Variants in DPYD observed in about 807,000 individuals in gnomAD.
DPYD encodes dihydropyrimidine dehydrogenase [NADP(+)].
In DPYD, 109 loss-of-function variants were observed where a neutral mutation model predicts 116.2. That is an observed-to-expected ratio of 0.94 (90% CI 0.80 to 1.10). DPYD has a LOEUF of 1.10. DPYD is among the 50% of genes least tolerant of loss of function. DPYD has a pLI of 0.00. For synonymous variants in DPYD, 440 were observed against 432.0 expected, an observed-to-expected ratio of 1.02 and a Z score of -0.23; for missense variants, 1,302 against 1,254.5, an observed-to-expected ratio of 1.04 and a Z score of -0.57.
intron 12 of DPYD, among the ~76,000 whole-genome samples, chr1:97,536,723 T>C (rs2786520): frequency 0.41 from 62,022 of 152,000 alleles, 13,256 homozygotes; most frequent in African/African-American, 0.54. Context: ...GCCTTTTCTC[T>C]TGCCTCACCC....
At chr1:97,345,962 A>G (rs1278592180) in intron 16 of DPYD, among the ~76,000 whole-genome samples, 1 of 151,932 alleles carries the variant, frequency 6.6e-6, no homozygotes, top group Non-Finnish European at 1.5e-5. Context: ...ATTTTGTTTA[A>G]TGCAGTAAAT....
intron 14 of DPYD, among the ~76,000 whole-genome samples, chr1:97,410,974 C>A (rs147567028): frequency 6.6e-6 from 1 of 152,004 alleles, no homozygotes; most frequent in Non-Finnish European, 1.5e-5. Context: ...ACAGATACTA[C>A]GTCAAAGATA....
intron 12 of DPYD, among the ~76,000 whole-genome samples, chr1:97,529,916 TTC>T (rs1649468340): frequency 6.6e-6 from 1 of 151,148 alleles, no homozygotes; most frequent in African/African-American, 2.4e-5. Flanking sequence ...TTCTTTTCTT[TTC>T]TTTCTCTTTC....
At chr1:97,128,156 T>C (rs1370037616) in intron 20 of DPYD, among the ~76,000 whole-genome samples, 4 of 152,180 alleles carry the variant, frequency 2.6e-5, no homozygotes, top group Non-Finnish European at 5.9e-5. Context: ...AGAAAAAGGA[T>C]GCCTGCAGAA....
intron 2 of DPYD, among the ~76,000 whole-genome samples, chr1:97,845,940 T>C (rs1317441746): frequency 6.6e-5 from 10 of 152,210 alleles, no homozygotes; most frequent in Admixed American, 2.6e-4. Context: ...TGCCTGGAGC[T>C]GCCCACCCTG....
chr1:97,235,875 T>C (rs1661889738), intron 18 of DPYD, among the ~76,000 whole-genome samples: 1 of 152,192 alleles, frequency 6.6e-6, no homozygotes, highest in Admixed American at 6.5e-5. Context: ...TATTAGAAAG[T>C]TTTAATCAAG....
chr1:97,267,721 C>A lies in DPYD; in HGVS notation c.2300-32727G>T, dbSNP rs78757373. On this transcript the variant is annotated intron_variant, in intron 18 of 22. Transcript: ENST00000370192. ...AGACTTATGGCCTAATCACCTCACA[C>A]CTCTTATTGCTGTTGCATTGGGGAT... Among the ~76,000 whole-genome samples the A allele has an allele frequency of 1.1e-3, 170 of 152,090 alleles. 1 individual carries two copies. The highest frequency in any genetic ancestry group is 3.7e-3 in the African/African-American group (154 of 41,448).
chr1:97,324,275 A>C (rs536247845), intron 16 of DPYD, among the ~76,000 whole-genome samples: 2 of 152,156 alleles, frequency 1.3e-5, no homozygotes, highest in South Asian at 2.1e-4. Context: ...CTTGCAATTA[A>C]GAGTGTTAAT....
chr1:97,323,532 A>G (rs911087282), intron 16 of DPYD, among the ~76,000 whole-genome samples: 2 of 136,170 alleles, frequency 1.5e-5, no homozygotes, highest in African/African-American at 5.2e-5. Context: ...ACACATATAT[A>G]TACATATCAT....
At chr1:97,631,543 G>C (rs537133901) in intron 8 of DPYD, among the ~76,000 whole-genome samples, 2 of 152,062 alleles carry the variant, frequency 1.3e-5, no homozygotes, top group African/African-American at 2.4e-5. Flanking sequence ...AAGAGTAAGA[G>C]AGCAAATGTA....
chr1:97,314,519 G>C (rs894370411), intron 16 of DPYD, among the ~76,000 whole-genome samples: 1 of 126,782 alleles, frequency 7.9e-6, no homozygotes, highest in African/African-American at 3.0e-5. Context: ...TTTACAAATG[G>C]ACAAGAATTG....
intron 19 of DPYD, among the ~76,000 whole-genome samples, chr1:97,196,289 TA>T (rs1332601449): frequency 6.6e-6 from 1 of 151,760 alleles, no homozygotes; most frequent in Admixed American, 6.6e-5. Context: ...TTTATTTATT[TA>T]TTTTTTTATT....
chr1:97,656,142 T>C (rs1034502091), intron 8 of DPYD, among the ~76,000 whole-genome samples: 2 of 152,192 alleles, frequency 1.3e-5, no homozygotes, highest in Non-Finnish European at 2.9e-5. Flanking sequence ...ACACATCTTA[T>C]GCAACAAATA....
intron 14 of DPYD, among the ~76,000 whole-genome samples, chr1:97,385,063 G>A (rs1672246810): frequency 6.6e-6 from 1 of 151,840 alleles, no homozygotes; most frequent in Non-Finnish European, 1.5e-5. Context: ...AAAAAAGTGA[G>A]AAGTCATACT....
chr1:97,855,703 C>T (rs544007886), intron 2 of DPYD: 35 of 152,226 alleles, frequency 2.3e-4, no homozygotes, highest in African/African-American at 7.2e-4. Context: ...AAACAGCCTT[C>T]GAAATACATC....
chr1:97,682,106 T>C lies in DPYD; in HGVS notation c.763-2924A>G, dbSNP rs553300277. 5.3e-5 allele frequency among the ~76,000 whole-genome samples: 8 copies of C among 152,148 alleles called. No homozygotes were observed. In the East Asian group the frequency reaches 1.5e-3, roughly 29 times the overall value. On this transcript the variant is annotated intron_variant, in intron 7 of 22. Transcript: ENST00000370192. ...CACCACAGCAGAGTGAAAATGTCTTTGATTTTGTAATATATAAGAAAGATG... is the reference window on the plus strand; with the variant it reads ...CACCACAGCAGAGTGAAAATGTCTTCGATTTTGTAATATATAAGAAAGATG...
intron 19 of DPYD, among the ~76,000 whole-genome samples, chr1:97,223,266 C>A (rs139324385): frequency 6.6e-6 from 1 of 151,958 alleles, no homozygotes; most frequent in Non-Finnish European, 1.5e-5. Flanking sequence ...CTGAGTTCAG[C>A]GAGTGGCCGT....
chr1:97,190,869 C>A (rs1472682600), intron 20 of DPYD, among the ~76,000 whole-genome samples: 1 of 152,154 alleles, frequency 6.6e-6, no homozygotes, highest in Non-Finnish European at 1.5e-5. Flanking sequence ...GAGTGAATAT[C>A]AGAGTAGCCA....
intron 3 of DPYD, among the ~76,000 whole-genome samples, chr1:97,812,777 C>T (rs1259717673): frequency 6.6e-6 from 1 of 151,996 alleles, no homozygotes; most frequent in African/African-American, 2.4e-5. Context: ...TATTAGTTTG[C>T]TCATATTAAT....
Sources: allele counts gnomAD v4.1 joint callset (sites outside exome capture counted in the v4.1 genomes callset), GRCh38; gene constraint gnomAD v4.1.1; transcripts MANE v1.5; gene names NCBI Gene and HGNC (gene_info 2026-07-23, HGNC 2026-07-21).